PCDHGB3: variants seen among roughly 807,000 people sequenced by gnomAD.
PCDHGB3 encodes protocadherin gamma subfamily B, 3.
In PCDHGB3, 40 loss-of-function variants were observed where a neutral mutation model predicts 59.2. The observed-to-expected ratio is 0.68, with a 90% CI of 0.52 to 0.88. The LOEUF is 0.88. Ranked by LOEUF, PCDHGB3 falls within the 40% of genes least tolerant of loss-of-function variation. The probability of loss-of-function intolerance (pLI) is 0.00; values close to 1 mark genes in which losing one functional copy is unlikely to be tolerated. For synonymous variants in PCDHGB3, 581 were observed against 503.6 expected (o/e 1.15, Z -2.06); for missense variants, 1,309 against 1,187.9 (o/e 1.10, Z -1.50).
intron 1 of PCDHGB3, among the ~76,000 whole-genome samples, chr5:141,475,556 T>A (rs1420756007): frequency 6.6e-6 from 1 of 152,248 alleles, no homozygotes; most frequent in Non-Finnish European, 1.5e-5. Context: ...CGGCTAATTG[T>A]CTGTCTTCCA....
Position 141,486,282 on chromosome 5 carries a change from C to G in PCDHGB3, c.2416-8525C>G. On this transcript the variant is annotated intron_variant, in intron 1 of 3. Transcript: ENST00000576222. This position sits in a 1 kb window ranked among gnomAD's most constrained non-coding sequence, Gnocchi z 5.0. ...AGTGCAGAACCTGGCACTGTGGTGG[C>G]ACTTATCAGTGTGCAGGATCCAGAC... The G allele has an allele frequency of 1.2e-6, 2 of 1,614,052 alleles. No homozygotes were observed. The highest frequency in any genetic ancestry group is 1.7e-6 in the Non-Finnish European group (2 of 1,179,992).
chr5:141,414,087 A>G (rs377653676), intron 1 of PCDHGB3: 31 of 1,599,656 alleles, frequency 1.9e-5, no homozygotes, highest in Middle Eastern at 3.3e-4. Context: ...ATACTGGAGA[A>G]ATAAAAATAT....
Position 141,502,395 on chromosome 5 carries a change from G to A in PCDHGB3, c.2475-2998G>A, listed in dbSNP as rs115188718. The stretch of plus-strand genomic sequence containing the variant: ...GTCCAGGCCAGTTGTACTTTAAAAT[G>A]TCCCCGAACCTGGATTTGCTGGCTA... On this transcript the variant is annotated intron_variant, in intron 2 of 3. Transcript: ENST00000576222. Among the ~76,000 whole-genome samples, 610 of 151,894 alleles carry A rather than the reference G, an allele frequency of 4.0e-3. 3 individuals carry two copies. Among genetic ancestry groups the A allele is most frequent in the African/African-American group, 0.013 (553 of 41,410 alleles).
In PCDHGB3 at chr5:141,485,818, C is replaced by T; in HGVS notation, c.2416-8989C>T. 6 of 1,613,912 alleles carry T rather than the reference C, an allele frequency of 3.7e-6. No homozygotes were observed. The highest frequency in any genetic ancestry group is 5.1e-6 in the Non-Finnish European group (6 of 1,179,974). On this transcript the variant is annotated intron_variant, in intron 1 of 3. Transcript: ENST00000576222. This position sits in a 1 kb window ranked among gnomAD's most constrained non-coding sequence, Gnocchi z 5.7. ...ACTACCGCCTGGTGCTGACTGCTGTCGATGGAGGGAACCCGCCGAGATCTG... is the reference window on the plus strand; with the variant it reads ...ACTACCGCCTGGTGCTGACTGCTGTTGATGGAGGGAACCCGCCGAGATCTG...
intron 1 of PCDHGB3, chr5:141,395,099 C>T: frequency 6.2e-7 from 1 of 1,614,228 alleles, no homozygotes; most frequent in Non-Finnish European, 8.5e-7. Flanking sequence ...TCACCGCCGA[C>T]TCGCGGAAGA....
chr5:141,477,427 C>T lies in PCDHGB3; in HGVS notation c.2416-17380C>T. On this transcript the variant is annotated intron_variant, in intron 1 of 3. Coordinates refer to ENST00000576222, the MANE Select transcript of PCDHGB3 (RefSeq NM_018924.5). The surrounding 1 kb of genome is among the most constrained non-coding windows in gnomAD (Gnocchi z 4.9). ...CCCGAGACGCCGGAACCCCTTCCCT[C>T]TCAGCCCTTACAATAGTGCGTGTTC... The T allele has an allele frequency of 6.2e-7, 1 of 1,614,220 alleles. No homozygotes were observed. The highest frequency in any genetic ancestry group is 8.5e-7 in the Non-Finnish European group (1 of 1,180,046).
Position 141,377,593 on chromosome 5 carries a change from C to T in PCDHGB3, c.2415+4784C>T, listed in dbSNP as rs923684056. 2.8e-4 allele frequency: 40 copies of T among 144,542 alleles called. 1 individual carries two copies. The highest frequency in any genetic ancestry group is 4.7e-4 in the African/African-American group (18 of 38,630). 9.0% of individuals were successfully genotyped at this position (144,542 alleles called of 1,614,324 possible). On this transcript the variant is annotated intron_variant, in intron 1 of 3. Transcript: ENST00000576222. ...CCTGGGAGACAGAATGAGACTTTTT[C>T]TCTCTCTCTCTCAAAAAAAAAAAAA...
chr5:141,497,323 G>A lies in PCDHGB3; in HGVS notation c.2474+2458G>A, dbSNP rs373068300. Reference sequence around the variant, plus strand: ...CAGGCCATACACTGGCTTTGAAGCAGAATTCACCATTGAACCTGGAAGCCC... The same window carrying A: ...CAGGCCATACACTGGCTTTGAAGCAAAATTCACCATTGAACCTGGAAGCCC... On this transcript the variant is annotated intron_variant, in intron 2 of 3. Transcript: ENST00000576222. 1.2e-4 allele frequency among the ~76,000 whole-genome samples: 19 copies of A among 152,204 alleles called. No homozygotes were observed. In the East Asian group the frequency reaches 3.5e-3, roughly 28 times the overall value.
At chr5:141,393,267 T>C in intron 1 of PCDHGB3, 1 of 1,613,944 alleles carries the variant, frequency 6.2e-7, no homozygotes, top group Non-Finnish European at 8.5e-7. Flanking sequence ...TGGAGCACGT[T>C]ATCCACTCCC....
chr5:141,390,118 C>G, intron 1 of PCDHGB3: 2 of 1,614,036 alleles, frequency 1.2e-6, no homozygotes, highest in Non-Finnish European at 1.7e-6. Context: ...AGCGAGGGGA[C>G]TTTGCCTTAT....
rs2099627530 is a variant in PCDHGB3, at chr5:141,486,292, T to C, written c.2416-8515T>C. On this transcript the variant is annotated intron_variant, in intron 1 of 3. Transcript: ENST00000576222. This position sits in a 1 kb window ranked among gnomAD's most constrained non-coding sequence, Gnocchi z 5.0. ...CTGGCACTGTGGTGGCACTTATCAGTGTGCAGGATCCAGACTCAGGGTCAA... is the reference window on the plus strand; with the variant it reads ...CTGGCACTGTGGTGGCACTTATCAGCGTGCAGGATCCAGACTCAGGGTCAA... 5 of 1,613,970 alleles carry C rather than the reference T, an allele frequency of 3.1e-6. No individual in the cohort carries two copies. The highest frequency in any genetic ancestry group is 4.2e-6 in the Non-Finnish European group (5 of 1,179,982).
Position 141,371,636 on chromosome 5 carries a change from G to A in PCDHGB3, c.1242G>A (p.Gln414=). 4 of 1,614,044 alleles carry A rather than the reference G, an allele frequency of 2.5e-6. No individual in the cohort carries two copies. Among genetic ancestry groups the A allele is most frequent in the African/African-American group, 2.7e-5 (2 of 75,064 alleles). The change falls in exon 1 of 4, where the codon CAG becomes CAA. Residue 414 remains glutamine, a synonymous_variant. Coordinates refer to ENST00000576222, the MANE Select transcript of PCDHGB3 (RefSeq NM_018924.5). ...CAGATGGAGCCCTGGACCGGGAGCAGATCCCAGAATACAATGTGACGATCA... is the reference window on the plus strand; with the variant it reads ...CAGATGGAGCCCTGGACCGGGAGCAAATCCCAGAATACAATGTGACGATCA... ...LVTDGALDRE[Q]IPEYNVTITA... is the part of the protein sequence containing the mutation.
chr5:141,394,918 G>A, intron 1 of PCDHGB3: 1 of 1,613,812 alleles, frequency 6.2e-7, no homozygotes, highest in Non-Finnish European at 8.5e-7. Context: ...GCCATCTCCT[G>A]TGTCTTCCTC....
rs551414580 is a variant in PCDHGB3, at chr5:141,493,693, C to T, written c.2416-1114C>T. ...GCCCCAGAATGGTGCTGGTGACTCC[C>T]GATACACCTGGAATGCTAGGTTTCT... On this transcript the variant is annotated intron_variant, in intron 1 of 3. Coordinates refer to ENST00000576222, the MANE Select transcript of PCDHGB3 (RefSeq NM_018924.5). This position sits in a 1 kb window ranked among gnomAD's most constrained non-coding sequence, Gnocchi z 4.3. 5.3e-5 allele frequency among the ~76,000 whole-genome samples: 8 copies of T among 152,168 alleles called. No individual in the cohort carries two copies. Among genetic ancestry groups the T allele is most frequent in the Non-Finnish European group, 1.0e-4 (7 of 68,032 alleles).
In PCDHGB3 at chr5:141,371,092, C is replaced by T. The variant is rs1348283879; in HGVS notation, c.698C>T (p.Ala233Val). 6.2e-7 allele frequency: 1 copy of T among 1,613,802 alleles called. No individual in the cohort carries two copies. The stretch of plus-strand genomic sequence containing the variant: ...ACCACCCAGATCAGGGTAATTGTCG[C>T]AGATGCAAATGATAACCCCCCAGTA... ...SCTTQIRVIV[A>V]DANDNPPVFT... The change falls in exon 1 of 4, where the codon GCA (alanine) becomes GTA (valine). Residue 233 changes from alanine (A) to valine (V), a missense_variant. Physicochemically the swap from Ala to Val is moderately conservative, Grantham distance 64 (BLOSUM62 0). Coordinates refer to ENST00000576222, the MANE Select transcript of PCDHGB3 (RefSeq NM_018924.5).
Position 141,476,376 on chromosome 5 carries a change from T to C in PCDHGB3, c.2416-18431T>C. ...GTGAACCGGGAGACCGGAGAGATGT[T>C]TGTGAACGACCGTCTGGATCGAGAG... On this transcript the variant is annotated intron_variant, in intron 1 of 3. Coordinates refer to ENST00000576222, the MANE Select transcript of PCDHGB3 (RefSeq NM_018924.5). The surrounding 1 kb of genome is among the most constrained non-coding windows in gnomAD (Gnocchi z 7.6). The C allele has an allele frequency of 6.2e-7, 1 of 1,614,060 alleles. No homozygotes were observed. Among genetic ancestry groups the C allele is most frequent in the Non-Finnish European group, 8.5e-7 (1 of 1,180,004 alleles).
In PCDHGB3 at chr5:141,404,595, T is replaced by C. The variant is rs1035989165; in HGVS notation, c.2415+31786T>C. On this transcript the variant is annotated intron_variant, in intron 1 of 3. Transcript: ENST00000576222. ...CCACCACTTAGCAGCAATGTGTCAT[T>C]GAGACTGTTTGTTTTGGACCAGAAT... is the stretch of plus-strand genomic sequence containing the variant. 44 of 1,613,678 alleles carry C rather than the reference T, an allele frequency of 2.7e-5. No homozygotes were observed. Among genetic ancestry groups the C allele is most frequent in the Non-Finnish European group, 3.6e-5 (43 of 1,179,690 alleles).
At chr5:141,459,531 A>G (rs1479666418) in intron 1 of PCDHGB3, among the ~76,000 whole-genome samples, 2 of 152,184 alleles carry the variant, frequency 1.3e-5, no homozygotes, top group Admixed American at 1.3e-4. Context: ...TTTTGTAGGC[A>G]TATTTTTTTT....
chr5:141,485,882 G>C lies in PCDHGB3; in HGVS notation c.2416-8925G>C. 6.2e-7 allele frequency: 1 copy of C among 1,614,146 alleles called. No homozygotes were observed. On this transcript the variant is annotated intron_variant, in intron 1 of 3. Transcript: ENST00000576222. The surrounding 1 kb of genome is among the most constrained non-coding windows in gnomAD (Gnocchi z 5.7). ...CCGGGTATCCGTGCTGGACGTAAACGACAACGCCCCAGCCTTCCAGCAATC... is the reference window on the plus strand; with the variant it reads ...CCGGGTATCCGTGCTGGACGTAAACCACAACGCCCCAGCCTTCCAGCAATC...
Sources: allele counts gnomAD v4.1 joint callset (sites outside exome capture counted in the v4.1 genomes callset), GRCh38; gene constraint gnomAD v4.1.1; non-coding constraint Gnocchi (gnomAD v3.1); transcripts MANE v1.5; gene names NCBI Gene and HGNC (gene_info 2026-07-23, HGNC 2026-07-21).